The following CLCN7 variants were observed in gnomAD, a reference collection of about 807,000 sequenced individuals.
CLCN7 encodes the protein H(+)/Cl(-) exchange transporter 7.
A neutral mutation model predicts 102.1 loss-of-function variants in CLCN7; 60 were observed. The ratio of observed to expected loss-of-function variants is 0.59; its 90% CI spans 0.48 to 0.73. The LOEUF is 0.73. CLCN7 is among the 30% of genes least tolerant of loss of function. CLCN7 has a pLI of 0.00. For missense variants in CLCN7, 962 were observed against 1,125.7 expected (o/e 0.85, Z 2.08); for synonymous variants, 560 against 490.5 (o/e 1.14, Z -1.87).
At chr16:1,463,216 C>T (rs1288479995) in intron 2 of CLCN7, among the ~76,000 whole-genome samples, 1 of 152,116 alleles carries the variant, frequency 6.6e-6, no homozygotes, top group Non-Finnish European at 1.5e-5. Flanking sequence ...GATGAAAGAC[C>T]TAAAACTGTA....
At chr16:1,461,284 G>A (rs2038931609) in intron 4 of CLCN7, 121 bp downstream of exon 4, 3 of 886,012 alleles carry the variant, frequency 3.4e-6, no homozygotes, top group Non-Finnish European at 5.4e-6. Context: ...AGGCCTCAGA[G>A]GCGGAGTCAG....
rs1482286815 is a variant in CLCN7, at chr16:1,457,829, C to T, written c.676-73G>A. On this transcript the variant is annotated intron_variant, in intron 7 of 24. Transcript: ENST00000382745. The surrounding 1 kb of genome is among the most constrained non-coding windows in gnomAD (Gnocchi z 5.4). Reference sequence around the variant, plus strand: ...TCTTTGGACCTGAGCCGTAAAACAGCACACACAGCCCCGATCAGGCAGAGT... The same window carrying T: ...TCTTTGGACCTGAGCCGTAAAACAGTACACACAGCCCCGATCAGGCAGAGT... 7.6e-6 allele frequency: 11 copies of T among 1,439,420 alleles called. No homozygotes were observed. The highest frequency in any genetic ancestry group is 1.4e-5 in the African/African-American group (1 of 71,786). The allele number at this position is 1,439,420 out of a possible 1,614,324, so 89.2% of individuals were successfully genotyped here.
Position 1,445,492 on chromosome 16 carries a change from C to G in CLCN7, c.*1139G>C, listed in dbSNP as rs1365258145. ...CGGCAGGGGGCCGCACCCAGCCCCCCACGGAGGGACCCGTGTTGCTCTAAC... is the reference window on the plus strand; with the variant it reads ...CGGCAGGGGGCCGCACCCAGCCCCCGACGGAGGGACCCGTGTTGCTCTAAC... On this transcript the variant is annotated 3_prime_UTR_variant, in exon 25 of 25. Coordinates refer to ENST00000382745, the MANE Select transcript of CLCN7 (RefSeq NM_001287.6). 1 of 152,302 alleles carries G rather than the reference C, an allele frequency of 6.6e-6. No individual in the cohort carries two copies. The highest frequency in any genetic ancestry group is 1.5e-5 in the Non-Finnish European group (1 of 68,098). The allele number at this position is 152,302 out of a possible 1,614,324, so 9.4% of individuals were successfully genotyped here.
chr16:1,460,891 T>C lies in CLCN7; in HGVS notation c.409A>G (p.Thr137Ala). Reference sequence around the variant, plus strand: ...TCAATGAAGCAGGCCACGAGGCCCGTGAGGATCCCAATGAGGGCGCAGATG... The same window carrying C: ...TCAATGAAGCAGGCCACGAGGCCCGCGAGGATCCCAATGAGGGCGCAGATG... ...WVICALIGIL[T>A]GLVACFIDIV... The change falls in exon 5 of 25, where the codon ACG (threonine) becomes GCG (alanine). Residue 137 changes from threonine (T) to alanine (A), a missense_variant. By Grantham distance (58) the Thr-to-Ala change is moderately conservative (BLOSUM62 0). Around this residue, in one of 2 missense-constraint regions of CLCN7, gnomAD observed 799 missense variants for 988.0 expected, o/e 0.81. Coordinates refer to ENST00000382745, the MANE Select transcript of CLCN7 (RefSeq NM_001287.6). 6.2e-7 allele frequency: 1 copy of C among 1,614,008 alleles called. No individual in the cohort carries two copies. The highest frequency in any genetic ancestry group is 8.5e-7 in the Non-Finnish European group (1 of 1,179,952).
rs187368997 is a variant in CLCN7, at chr16:1,452,683, C to T, written c.1353+72G>A. The stretch of plus-strand genomic sequence containing the variant: ...GGGTGGGCAGCCCTCCTCCCGTAGC[C>T]TAAGCGAGCCTCCTGGAGGCCGCCC... On this transcript the variant is annotated intron_variant, in intron 15 of 24. Transcript: ENST00000382745. 1,041 of 1,512,792 alleles carry T rather than the reference C, an allele frequency of 6.9e-4. 6 individuals carry two copies. The African/African-American group carries it at 0.012, about 17-fold the overall frequency. 93.7% of individuals were successfully genotyped at this position (1,512,792 alleles called of 1,614,324 possible).
At chr16:1,462,622 C>T (rs1261997851) in intron 2 of CLCN7, among the ~76,000 whole-genome samples, 1 of 142,778 alleles carries the variant, frequency 7.0e-6, no homozygotes, top group African/African-American at 2.7e-5. Flanking sequence ...GTGATCCACC[C>T]AGCCTGGGCA....
In CLCN7 at chr16:1,457,755, G is replaced by A. The variant is rs779246889; in HGVS notation, c.677C>T (p.Thr226Met). ...CACACCGGACACTTTGATCACCAAC[G>A]TCTGAAACACAGGGAGACGCATGGC... is the stretch of plus-strand genomic sequence containing the variant. The part of the protein sequence containing the change: ...VKIPHVVRLK[T>M]LVIKVSGVIL... The change falls in exon 8 of 25, where the codon ACG (threonine) becomes ATG (methionine). Residue 226 changes from threonine (T) to methionine (M), a missense_variant and splice_region_variant. Thr to Met is a moderately conservative substitution (Grantham distance 81). Transcript: ENST00000382745. This position sits in a 1 kb window ranked among gnomAD's most constrained non-coding sequence, Gnocchi z 5.4. The A allele has an allele frequency of 9.3e-6, 15 of 1,613,706 alleles. No homozygotes were observed. The highest frequency in any genetic ancestry group is 3.3e-5 in the Admixed American group (2 of 60,016).
Position 1,457,855 on chromosome 16 carries a change from G to T in CLCN7, c.676-99C>A. 1 of 1,253,118 alleles carries T rather than the reference G, an allele frequency of 8.0e-7. No individual in the cohort carries two copies. The highest frequency in any genetic ancestry group is 1.2e-6 in the Non-Finnish European group (1 of 864,146). The allele number at this position is 1,253,118 out of a possible 1,614,324, so 77.6% of individuals were successfully genotyped here. ...ACACACAGCCCCGATCAGGCAGAGT[G>T]GCTGGGACACGGGGCCTCCGGGAGG... On this transcript the variant is annotated intron_variant, in intron 7 of 24. Transcript: ENST00000382745. This position sits in a 1 kb window ranked among gnomAD's most constrained non-coding sequence, Gnocchi z 5.4.
At chr16:1,473,370 CTTTTTTTTTTT>C (rs779736867) in intron 1 of CLCN7, among the ~76,000 whole-genome samples, 8 of 76,682 alleles carry the variant, frequency 1.0e-4, no homozygotes, top group Admixed American at 1.8e-4. Context: ...CCTTCCTAAA[CTTTTTTTTTTT>C]TTTTTTTTTT....
At chr16:1,451,331 C>T (rs1321309404) in intron 16 of CLCN7, among the ~76,000 whole-genome samples, 2 of 152,172 alleles carry the variant, frequency 1.3e-5, no homozygotes, top group African/African-American at 4.8e-5. Flanking sequence ...GCCCAGCCTC[C>T]CAAGTACCTG....
rs1428587158 is a variant in CLCN7 at position 1,446,400 on chromosome 16, G to A, written c.*231C>T. 2.8e-6 allele frequency: 2 copies of A among 702,246 alleles called. No homozygotes were observed. The highest frequency in any genetic ancestry group is 5.2e-6 in the Non-Finnish European group (2 of 384,766). The allele number at this position is 702,246 out of a possible 1,614,324, so 43.5% of individuals were successfully genotyped here. ...GTAAAGAAACCTAGACGAGGAGAGTGGAGGCTGGGCCTGCGCAAGGAGGCG... is the reference window on the plus strand; with the variant it reads ...GTAAAGAAACCTAGACGAGGAGAGTAGAGGCTGGGCCTGCGCAAGGAGGCG... On this transcript the variant is annotated 3_prime_UTR_variant, in exon 25 of 25. Transcript: ENST00000382745.
In CLCN7 at chr16:1,448,707, C is replaced by T. The variant is rs139826207; in HGVS notation, c.1857G>A (p.Pro619=). 939 of 1,612,614 alleles carry T rather than the reference C, an allele frequency of 5.8e-4. 6 individuals are homozygous for T. The African/African-American group carries it at 0.011, about 20-fold the overall frequency. ...QSVPFLHWEA[P]VTSHSLTARE... Reference sequence around the variant, plus strand: ...TGGCAGTGAGTGAGTGTGAGGTGACCGGGGCCTCCCAGTGCAGGAAGGGCA... The same window carrying T: ...TGGCAGTGAGTGAGTGTGAGGTGACTGGGGCCTCCCAGTGCAGGAAGGGCA... Residue 619 remains proline (P), a synonymous_variant, in exon 20 of 25, where the codon CCG becomes CCA. Transcript: ENST00000382745.
At chr16:1,459,667 G>A (rs12924338) in intron 6 of CLCN7, among the ~76,000 whole-genome samples, 21 of 6,710 alleles carry the variant, frequency 3.1e-3, no homozygotes, top group Admixed American at 6.9e-3. Context: ...AGGGGAGAGC[G>A]GCACACACGT....
At chr16:1,460,561 C>A (rs145568899) in intron 5 of CLCN7, 34 bp from the exon 6 acceptor site, 1 of 1,549,132 alleles carries the variant, frequency 6.5e-7, no homozygotes, top group Non-Finnish European at 8.9e-7. Flanking sequence ...GCTGCTTCCC[C>A]GTCATGACCA....
In CLCN7 at chr16:1,446,256, G is replaced by A. The variant is rs1427926218; in HGVS notation, c.*375C>T. On this transcript the variant is annotated 3_prime_UTR_variant, in exon 25 of 25. Transcript: ENST00000382745. Reference sequence around the variant, plus strand: ...AGGGCAGCCCTCGGGGCAGCAGCAGGGGCAAGGGCTCTGTCTCACGCACAC... The same window carrying A: ...AGGGCAGCCCTCGGGGCAGCAGCAGAGGCAAGGGCTCTGTCTCACGCACAC... The A allele has an allele frequency of 1.6e-5, 11 of 678,228 alleles. No homozygotes were observed. Among genetic ancestry groups the A allele is most frequent in the Non-Finnish European group, 2.9e-5 (11 of 373,638 alleles). 42.0% of individuals were successfully genotyped at this position (678,228 alleles called of 1,614,324 possible).
At position 1,447,082 on chromosome 16, in the gene CLCN7, G is replaced by A. The variant is rs1428864451; in HGVS notation, c.2255C>T (p.Ala752Val). 3.1e-6 allele frequency: 5 copies of A among 1,595,394 alleles called. No homozygotes were observed. The highest frequency in any genetic ancestry group is 2.3e-5 in the East Asian group (1 of 44,320). ...CAGCTTGAACACCCGTGGGAGCGAC[G>A]CCTCCTGCAGCAGGGGCACAGCTGT... ...NPSPYTVPQE[A>V]SLPRVFKLFR... Residue 752 changes from alanine to valine, a missense_variant, in exon 24 of 25, where the codon GCG becomes GTG. Physicochemically the swap from Ala to Val is moderately conservative, Grantham distance 64. Transcript: ENST00000382745.
At chr16:1,447,985 G>A (rs1223286282) in intron 21 of CLCN7, among the ~76,000 whole-genome samples, 1 of 152,232 alleles carries the variant, frequency 6.6e-6, no homozygotes, top group Non-Finnish European at 1.5e-5. Flanking sequence ...CTGCAGGGCA[G>A]ATGCAGCCCC....
chr16:1,457,875 G>A lies in CLCN7; in HGVS notation c.676-119C>T, dbSNP rs184310199. 525 of 991,492 alleles carry A rather than the reference G, an allele frequency of 5.3e-4. 2 individuals carry two copies. In the African/African-American group the frequency reaches 7.4e-3, roughly 14 times the overall value. The allele number at this position is 991,492 out of a possible 1,614,324, so 61.4% of individuals were successfully genotyped here. ...AGAGTGGCTGGGACACGGGGCCTCC[G>A]GGAGGGGGCCAGCACCCCCAGGCTG... On this transcript the variant is annotated intron_variant, in intron 7 of 24. Coordinates refer to ENST00000382745, the MANE Select transcript of CLCN7 (RefSeq NM_001287.6). This position sits in a 1 kb window ranked among gnomAD's most constrained non-coding sequence, Gnocchi z 5.4.
rs567416671 is a variant in CLCN7, at chr16:1,453,662, G to A, written c.1214+172C>T. On this transcript the variant is annotated intron_variant, in intron 14 of 24. Transcript: ENST00000382745. ...GCTAGTCCGTCACCCTCCAGGCCCCGGGACACATCTCTGACCAGCTCCACC... is the reference window on the plus strand; with the variant it reads ...GCTAGTCCGTCACCCTCCAGGCCCCAGGACACATCTCTGACCAGCTCCACC... Among the ~76,000 whole-genome samples, 69 of 152,350 alleles carry A rather than the reference G, an allele frequency of 4.5e-4. 3 individuals carry two copies. The South Asian group carries it at 0.014, about 30-fold the overall frequency.
Sources: gnomAD v4.1 joint callset for allele counts (sites outside exome capture counted in the v4.1 genomes callset) on GRCh38, gnomAD v4.1.1 for gene constraint, gnomAD v4.1.1 regional missense constraint, Gnocchi (gnomAD v3.1) non-coding constraint, MANE v1.5 for transcripts, NCBI Gene and HGNC (gene_info 2026-07-23, HGNC 2026-07-21) for gene names.